Variants in RFTN1 observed in about 807,000 individuals in gnomAD.
The protein encoded by RFTN1 is raftlin, lipid raft linker 1.
Under a neutral mutation model 46.5 loss-of-function variants are expected in RFTN1, and 26 were observed. That is an observed-to-expected ratio of 0.56 (90% confidence interval 0.41 to 0.78). The LOEUF is 0.78. RFTN1 is among the 30% of genes least tolerant of loss of function. RFTN1 has a pLI of 0.00. For missense variants in RFTN1, 693 were observed against 718.7 expected, an observed-to-expected ratio of 0.96 and a Z score of 0.41; for synonymous variants, 261 against 284.2, an observed-to-expected ratio of 0.92 and a Z score of 0.82.
At chr3:16,363,542 G>A (rs796633243) in intron 6 of RFTN1, among the ~76,000 whole-genome samples, 1 of 152,256 alleles carries the variant, frequency 6.6e-6, no homozygotes, top group African/African-American at 2.4e-5. Flanking sequence ...GGTAAATTCT[G>A]TGAGGCAACC....
rs149577873 is a variant in RFTN1, at chr3:16,345,627, C to T, written c.1146+12305G>A. On this transcript the variant is annotated intron_variant, in intron 7 of 9. Transcript: ENST00000334133. The surrounding 1 kb of genome is among the most constrained non-coding windows in gnomAD (Gnocchi z 5.2). Reference sequence around the variant, plus strand: ...TCTTCTGCCCTTGTTGCTCCTGGTTCTCAGGGCTTGGGACCTGGACTGGAG... The same window carrying T: ...TCTTCTGCCCTTGTTGCTCCTGGTTTTCAGGGCTTGGGACCTGGACTGGAG... 4.5e-3 allele frequency among the ~76,000 whole-genome samples: 685 copies of T among 152,244 alleles called. 11 individuals are homozygous for T. The highest frequency in any genetic ancestry group is 0.015 in the African/African-American group (622 of 41,538).
chr3:16,316,868 G>A lies in RFTN1; in HGVS notation c.1697C>T (p.Ala566Val), dbSNP rs1442068316. The change falls in exon 10 of 10, where the codon GCT (alanine) becomes GTT (valine). Residue 566 changes from alanine (A) to valine (V), a missense_variant. By Grantham distance (64) the Ala-to-Val change is moderately conservative (BLOSUM62 0). Transcript: ENST00000334133. This position sits in a 1 kb window ranked among gnomAD's most constrained non-coding sequence, Gnocchi z 4.5. ...NPGEDARDGD[A>V]EEVRELGTVE... ...CGTACCAAGCTCTCTGACTTCCTCA[G>A]CATCCCCGTCCCTGGCATCCTCTCC... 6.2e-7 allele frequency: 1 copy of A among 1,614,148 alleles called. No individual in the cohort carries two copies. Among genetic ancestry groups the A allele is most frequent in the Admixed American group, 1.7e-5 (1 of 60,012 alleles).
At chr3:16,462,910 G>T (rs1475816417) in intron 2 of RFTN1, among the ~76,000 whole-genome samples, 1 of 152,206 alleles carries the variant, frequency 6.6e-6, no homozygotes, top group African/African-American at 2.4e-5. Context: ...CTGGTGTTAT[G>T]AATTGAGCTT....
chr3:16,389,522 A>C (rs1279765139), intron 4 of RFTN1, among the ~76,000 whole-genome samples: 1 of 152,128 alleles, frequency 6.6e-6, no homozygotes, highest in East Asian at 1.9e-4. Flanking sequence ...ACAGCTTTGC[A>C]TTAACAACTA....
intron 6 of RFTN1, among the ~76,000 whole-genome samples, chr3:16,369,181 T>C (rs2073382690): frequency 6.6e-6 from 1 of 152,262 alleles, no homozygotes; most frequent in Non-Finnish European, 1.5e-5. Context: ...CTCAGGATGC[T>C]TGCTGGCATT....
At position 16,483,518 on chromosome 3, in the gene RFTN1, T is replaced by C. The variant is rs1161461451; in HGVS notation, c.145+10207A>G. Among the ~76,000 whole-genome samples the C allele has an allele frequency of 6.6e-6, 1 of 152,160 alleles. No homozygotes were observed. Among genetic ancestry groups the C allele is most frequent in the Admixed American group, 6.5e-5 (1 of 15,282 alleles). On this transcript the variant is annotated intron_variant, in intron 2 of 9. Transcript: ENST00000334133. The surrounding 1 kb of genome is among the most constrained non-coding windows in gnomAD (Gnocchi z 4.8). ...AACCACAACACCAAGACTGACTTAA[T>C]GGGTCTGGTGTGCAGCTGGGCATGG...
intron 6 of RFTN1, 81 bp from the exon 7 acceptor site, chr3:16,358,128 C>T (rs1197232544): frequency 2.6e-6 from 2 of 766,510 alleles, no homozygotes; most frequent in African/African-American, 1.7e-5. Context: ...CAAACATTTC[C>T]ACTGCATTCA....
chr3:16,493,848 A>G lies in RFTN1; in HGVS notation c.22T>C (p.Leu8=). ...GGCCGTTTTTCATCACGTTTCTCTA[A>G]CTTGTTCAATCCGCAACCCATTTCA... MGCGLNK[L]EKRDEKRPGN... is the part of the protein sequence containing the mutation. Residue 8 remains leucine (L), a synonymous_variant, in exon 2 of 10, where the codon TTA becomes CTA. Coordinates refer to ENST00000334133, the MANE Select transcript of RFTN1 (RefSeq NM_015150.2). 3 of 1,614,124 alleles carry G rather than the reference A, an allele frequency of 1.9e-6. No homozygotes were observed. The highest frequency in any genetic ancestry group is 2.5e-6 in the Non-Finnish European group (3 of 1,180,010).
intron 2 of RFTN1, among the ~76,000 whole-genome samples, chr3:16,472,322 G>A (rs1245214048): frequency 1.3e-5 from 2 of 152,000 alleles, no homozygotes; most frequent in African/African-American, 2.4e-5. Context: ...CCCTGTGACC[G>A]AGTGAAGGGC....
At chr3:16,464,859 C>T (rs1339089161) in intron 2 of RFTN1, among the ~76,000 whole-genome samples, 1 of 152,230 alleles carries the variant, frequency 6.6e-6, no homozygotes, top group African/African-American at 2.4e-5. Flanking sequence ...AGTTTGCCAG[C>T]CCCTGCTTCA....
chr3:16,500,348 A>G lies in RFTN1; in HGVS notation c.-8-6471T>C, dbSNP rs2076691343. ...TTCTCTTTTTATATTTTGTTTTCTC[A>G]GCAGACATCCCTGAAACTATGTGTA... On this transcript the variant is annotated intron_variant, in intron 1 of 9. Coordinates refer to ENST00000334133, the MANE Select transcript of RFTN1 (RefSeq NM_015150.2). The surrounding 1 kb of genome is among the most constrained non-coding windows in gnomAD (Gnocchi z 5.9). Among the ~76,000 whole-genome samples the G allele has an allele frequency of 6.6e-6, 1 of 152,164 alleles. No individual in the cohort carries two copies. Among genetic ancestry groups the G allele is most frequent in the South Asian group, 2.1e-4 (1 of 4,824 alleles).
At chr3:16,493,623 A>C (rs950221905) in intron 2 of RFTN1, 102 bp downstream of exon 2, 4 of 1,131,744 alleles carry the variant, frequency 3.5e-6, no homozygotes, top group Non-Finnish European at 4.9e-6. Flanking sequence ...TCATTTCTTC[A>C]CAGCCCCCAC....
In RFTN1 at chr3:16,513,424, GC is replaced by G. The variant is rs374132947; in HGVS notation, c.-9+17del. On this transcript the variant is annotated intron_variant, in intron 1 of 9. Coordinates refer to ENST00000334133, the MANE Select transcript of RFTN1 (RefSeq NM_015150.2). The surrounding 1 kb of genome is among the most constrained non-coding windows in gnomAD (Gnocchi z 5.4). The stretch of plus-strand genomic sequence containing the variant: ...CGGTCGACACCCCAAGCCCTGTCGC[GC>G]CCCCCCCGCCGCCTACCGTATGGGA... The G allele has an allele frequency of 8.6e-5, 13 of 151,606 alleles. No individual in the cohort carries two copies. Among genetic ancestry groups the G allele is most frequent in the Non-Finnish European group, 1.5e-4 (10 of 67,838 alleles). 9.4% of individuals were successfully genotyped at this position (151,606 alleles called of 1,614,324 possible). A position where few individuals can be genotyped will look rare whatever the true frequency, so the allele number is the denominator to read the frequency against.
At position 16,513,430 on chromosome 3, in the gene RFTN1, C is replaced by A. The variant is rs560440519; in HGVS notation, c.-9+12G>T. The A allele has an allele frequency of 1.4e-4, 21 of 152,216 alleles. No homozygotes were observed. Among genetic ancestry groups the A allele is most frequent in the Non-Finnish European group, 2.8e-4 (19 of 68,032 alleles). 9.4% of individuals were successfully genotyped at this position (152,216 alleles called of 1,614,324 possible). A position where few individuals can be genotyped will look rare whatever the true frequency, so the allele number is the denominator to read the frequency against. On this transcript the variant is annotated intron_variant, in intron 1 of 9. Transcript: ENST00000334133. This position sits in a 1 kb window ranked among gnomAD's most constrained non-coding sequence, Gnocchi z 5.4. ...ACACCCCAAGCCCTGTCGCGCCCCC[C>A]CCGCCGCCTACCGTATGGGACCGGC...
rs1488258459 is a variant in RFTN1 at position 16,329,709 on chromosome 3, C to T, written c.1147-2833G>A. Among the ~76,000 whole-genome samples, 1 of 152,174 alleles carries T rather than the reference C, an allele frequency of 6.6e-6. No individual in the cohort carries two copies. Among genetic ancestry groups the T allele is most frequent in the Non-Finnish European group, 1.5e-5 (1 of 68,014 alleles). On this transcript the variant is annotated intron_variant, in intron 7 of 9. Coordinates refer to ENST00000334133, the MANE Select transcript of RFTN1 (RefSeq NM_015150.2). This position sits in a 1 kb window ranked among gnomAD's most constrained non-coding sequence, Gnocchi z 4.5. Reference sequence around the variant, plus strand: ...GAGGAAAACCAATTTTAAATCCACACTCTCAAGCTTTGCGAGGTTATGATT... The same window carrying T: ...GAGGAAAACCAATTTTAAATCCACATTCTCAAGCTTTGCGAGGTTATGATT...
chr3:16,385,362 G>A lies in RFTN1; in HGVS notation c.442-7260C>T, dbSNP rs974967811. Among the ~76,000 whole-genome samples, 10 of 152,154 alleles carry A rather than the reference G, an allele frequency of 6.6e-5. No homozygotes were observed. The highest frequency in any genetic ancestry group is 2.2e-4 in the African/African-American group (9 of 41,426). On this transcript the variant is annotated intron_variant, in intron 4 of 9. Transcript: ENST00000334133. The surrounding 1 kb of genome is among the most constrained non-coding windows in gnomAD (Gnocchi z 5.0). Reference sequence around the variant, plus strand: ...CTGCAGAAATTGGAAGCTTTGCCAGGCGCTGCTGGATGTTTAGCTCCGTTT... The same window carrying A: ...CTGCAGAAATTGGAAGCTTTGCCAGACGCTGCTGGATGTTTAGCTCCGTTT...
At position 16,422,575 on chromosome 3, in the gene RFTN1, G is replaced by A. The variant is rs2075206980; in HGVS notation, c.332+11276C>T. On this transcript the variant is annotated intron_variant, in intron 3 of 9. Coordinates refer to ENST00000334133, the MANE Select transcript of RFTN1 (RefSeq NM_015150.2). The surrounding 1 kb of genome is among the most constrained non-coding windows in gnomAD (Gnocchi z 4.6). ...GAACCCGGGAGGCGGAAGTTGCAGTGAGCCGAGATTGTGCCACTGCACTCC... is the reference window on the plus strand; with the variant it reads ...GAACCCGGGAGGCGGAAGTTGCAGTAAGCCGAGATTGTGCCACTGCACTCC... Among the ~76,000 whole-genome samples the A allele has an allele frequency of 6.6e-6, 1 of 151,870 alleles. No individual in the cohort carries two copies. Among genetic ancestry groups the A allele is most frequent in the Non-Finnish European group, 1.5e-5 (1 of 67,998 alleles).
intron 3 of RFTN1, among the ~76,000 whole-genome samples, chr3:16,415,369 C>A (rs994944365): frequency 7.0e-6 from 1 of 142,064 alleles, no homozygotes; most frequent in Non-Finnish European, 1.5e-5. Flanking sequence ...TATGACATAT[C>A]CAGAAGACAT....
At chr3:16,438,339 C>T (rs2075554710) in intron 2 of RFTN1, among the ~76,000 whole-genome samples, 1 of 151,962 alleles carries the variant, frequency 6.6e-6, no homozygotes, top group Admixed American at 6.5e-5. Flanking sequence ...AATCGCAGCA[C>T]TTTAGGAGGC....
Sources: allele counts gnomAD v4.1 joint callset (sites outside exome capture counted in the v4.1 genomes callset), GRCh38; gene constraint gnomAD v4.1.1; non-coding constraint Gnocchi (gnomAD v3.1); transcripts MANE v1.5; gene names NCBI Gene and HGNC (gene_info 2026-07-23, HGNC 2026-07-21).